Variants in CCDC85A observed in about 807,000 individuals in gnomAD.
CCDC85A encodes the protein coiled-coil domain containing 85A, also known as coiled-coil domain-containing protein 85A.
Under a neutral mutation model 50.2 loss-of-function variants are expected in CCDC85A, and 38 were observed. The ratio of observed to expected loss-of-function variants is 0.76; its 90% CI spans 0.58 to 0.99. The LOEUF (loss-of-function observed/expected upper bound fraction) is 0.99. Among genes scored for constraint, CCDC85A ranks in the 50% least tolerant of loss-of-function variants. The pLI, the probability that CCDC85A is intolerant of heterozygous loss-of-function variation, is 0.00. For synonymous variants in CCDC85A, 366 were observed against 301.4 expected (o/e 1.21, Z -2.22); for missense variants, 820 against 742.0 (o/e 1.11, Z -1.22).
At chr2:56,327,000 T>C (rs1673504482) in intron 2 of CCDC85A, among the ~76,000 whole-genome samples, 1 of 152,174 alleles carries the variant, frequency 6.6e-6, no homozygotes, top group Non-Finnish European at 1.5e-5. Context: ...AGAACTGGTA[T>C]GCATCTATCA....
chr2:56,209,977 A>C (rs572115681), intron 2 of CCDC85A, among the ~76,000 whole-genome samples: 1 of 152,100 alleles, frequency 6.6e-6, no homozygotes, highest in Non-Finnish European at 1.5e-5. Context: ...AAAACCCATT[A>C]GAGATACAGA....
At chr2:56,373,669 G>C (rs1422517743) in intron 4 of CCDC85A, among the ~76,000 whole-genome samples, 2 of 152,230 alleles carry the variant, frequency 1.3e-5, no homozygotes, top group African/African-American at 4.8e-5. Flanking sequence ...GTAGCTCAGA[G>C]TGGGAAGGTT....
chr2:56,198,560 AAGG>A (rs1676616100), intron 2 of CCDC85A, among the ~76,000 whole-genome samples: 1 of 152,218 alleles, frequency 6.6e-6, no homozygotes, highest in African/African-American at 2.4e-5. Context: ...CATTTATCAT[AAGG>A]ATACATTTTG....
chr2:56,217,187 G>C (rs1175841857), intron 2 of CCDC85A, among the ~76,000 whole-genome samples: 1 of 151,866 alleles, frequency 6.6e-6, no homozygotes, highest in Non-Finnish European at 1.5e-5. Context: ...GACTTTTTCT[G>C]TGTCTTTTTA....
chr2:56,212,116 G>T (rs180678814), intron 2 of CCDC85A, among the ~76,000 whole-genome samples: 5 of 152,156 alleles, frequency 3.3e-5, no homozygotes, highest in African/African-American at 1.2e-4. Flanking sequence ...CTGGCTGCTT[G>T]CTTCTGAGTA....
chr2:56,257,802 G>T (rs564713717), intron 2 of CCDC85A, among the ~76,000 whole-genome samples: 1 of 152,270 alleles, frequency 6.6e-6, no homozygotes, highest in East Asian at 1.9e-4. Context: ...ATCTGAACAA[G>T]GAGAGGCCCT....
At chr2:56,200,581 C>T (rs917933315) in intron 2 of CCDC85A, among the ~76,000 whole-genome samples, 3 of 152,120 alleles carry the variant, frequency 2.0e-5, no homozygotes, top group Non-Finnish European at 4.4e-5. Flanking sequence ...TCAAGTGTTT[C>T]CAATAGAAAG....
At position 56,258,920 on chromosome 2, in the gene CCDC85A, G is replaced by C. The variant is rs535977091; in HGVS notation, c.1240+65480G>C. Reference sequence around the variant, plus strand: ...AGTCCTCTGCTGAGAGTGAGTAGGTGGGTAAGATGTGGAGCTAAGGCTTTT... The same window carrying C: ...AGTCCTCTGCTGAGAGTGAGTAGGTCGGTAAGATGTGGAGCTAAGGCTTTT... On this transcript the variant is annotated intron_variant, in intron 2 of 5. Coordinates refer to ENST00000407595, the MANE Select transcript of CCDC85A (RefSeq NM_001080433.2). Among the ~76,000 whole-genome samples, 6 of 152,284 alleles carry C rather than the reference G, an allele frequency of 3.9e-5. No individual in the cohort carries two copies. In the East Asian group the frequency reaches 1.2e-3, roughly 29 times the overall value.
intron 2 of CCDC85A, among the ~76,000 whole-genome samples, chr2:56,276,687 G>A (rs1394498510): frequency 6.6e-6 from 1 of 152,170 alleles, no homozygotes; most frequent in African/African-American, 2.4e-5. Flanking sequence ...AAATTGCCCA[G>A]TCTCTGATAT....
chr2:56,351,753 C>T (rs1290176959), intron 3 of CCDC85A, among the ~76,000 whole-genome samples: 3 of 150,712 alleles, frequency 2.0e-5, no homozygotes, highest in Non-Finnish European at 2.9e-5. Flanking sequence ...TGGATATTAG[C>T]CCTTTGTCAG....
At chr2:56,278,665 C>T (rs1174363674) in intron 2 of CCDC85A, among the ~76,000 whole-genome samples, 3 of 152,074 alleles carry the variant, frequency 2.0e-5, no homozygotes. Context: ...CCTCTGCCTC[C>T]TGGGTTCAAG....
intron 2 of CCDC85A, among the ~76,000 whole-genome samples, chr2:56,207,685 G>C (rs1677012618): frequency 6.6e-6 from 1 of 152,064 alleles, no homozygotes; most frequent in South Asian, 2.1e-4. Flanking sequence ...TTCACCTTCA[G>C]TTTCTCCTCC....
At chr2:56,241,830 T>G (rs566972483) in intron 2 of CCDC85A, among the ~76,000 whole-genome samples, 22 of 152,338 alleles carry the variant, frequency 1.4e-4, no homozygotes, top group Admixed American at 9.2e-4. Context: ...TTTCCTTTTT[T>G]TGGGTATATG....
intron 2 of CCDC85A, among the ~76,000 whole-genome samples, chr2:56,280,202 G>A (rs1558620708): frequency 6.6e-6 from 1 of 152,128 alleles, no homozygotes; most frequent in African/African-American, 2.4e-5. Flanking sequence ...TGCTGGCCTA[G>A]CATCTAGAGT....
At chr2:56,322,687 G>T (rs62164361) in intron 2 of CCDC85A, among the ~76,000 whole-genome samples, 16,010 of 152,114 alleles carry the variant, frequency 0.11, 1,049 homozygotes, top group East Asian at 0.32. Context: ...CACTTTTACA[G>T]TGTTGGTGGG....
At chr2:56,378,829 C>G (rs1573375656) in intron 5 of CCDC85A, among the ~76,000 whole-genome samples, 1 of 152,152 alleles carries the variant, frequency 6.6e-6, no homozygotes, top group African/African-American at 2.4e-5. Flanking sequence ...ACAGTAGAAT[C>G]AAGTAGCTTA....
At chr2:56,359,400 G>C in intron 3 of CCDC85A, among the ~76,000 whole-genome samples, 1 of 152,138 alleles carries the variant, frequency 6.6e-6, no homozygotes, top group East Asian at 1.9e-4. Context: ...TAGGAAATTT[G>C]TACTTTTTTG....
chr2:56,231,168 A>C (rs17047643), intron 2 of CCDC85A, among the ~76,000 whole-genome samples: 6,188 of 152,294 alleles, frequency 0.041, 414 homozygotes, highest in African/African-American at 0.14. Flanking sequence ...TTCAACTAGC[A>C]TGACATTCTC....
chr2:56,306,553 G>A (rs1041032689), intron 2 of CCDC85A, among the ~76,000 whole-genome samples: 1 of 152,056 alleles, frequency 6.6e-6, no homozygotes, highest in African/African-American at 2.4e-5. Context: ...AAAAAAATGG[G>A]TTTCTCAATT....
Sources: allele counts gnomAD v4.1 joint callset (sites outside exome capture counted in the v4.1 genomes callset), GRCh38; gene constraint gnomAD v4.1.1; transcripts MANE v1.5; gene names NCBI Gene and HGNC (gene_info 2026-07-23, HGNC 2026-07-21).